ABCA13: variants seen among roughly 807,000 people sequenced by gnomAD.
ABCA13 encodes the protein ATP binding cassette subfamily A member 13.
ABCA13 carries 476 observed loss-of-function variants against 478.7 expected under a neutral mutation model. The ratio of observed to expected loss-of-function variants is 0.99; its 90% confidence interval spans 0.92 to 1.07. The LOEUF (loss-of-function observed/expected upper bound fraction) is 1.07, where lower values mean the gene tolerates loss of function less well. Ranked by LOEUF, ABCA13 falls within the 50% of genes least tolerant of loss-of-function variation. ABCA13 has a pLI of 0.00. For synonymous variants in ABCA13, 2,252 were observed against 2,158.9 expected, an observed-to-expected ratio of 1.04 and a Z score of -1.20; for missense variants, 6,060 against 5,910.6, an observed-to-expected ratio of 1.03 and a Z score of -0.83.
intron 57 of ABCA13, 135 bp downstream of exon 57, chr7:48,587,423 C>T (rs557870544): frequency 9.8e-7 from 1 of 1,017,360 alleles, no homozygotes; most frequent in East Asian, 2.9e-5. Flanking sequence ...AACTGTTTTG[C>T]CATAAGCCAG....
intron 55 of ABCA13, among the ~76,000 whole-genome samples, chr7:48,571,316 G>A (rs925062980): frequency 1.1e-4 from 17 of 152,084 alleles, no homozygotes; most frequent in Admixed American, 4.6e-4. Context: ...GTTACTGTTA[G>A]TACTTTTCAT....
chr7:48,546,913 C>A (rs565320233), intron 55 of ABCA13, among the ~76,000 whole-genome samples: 1 of 151,736 alleles, frequency 6.6e-6, no homozygotes, highest in South Asian at 2.1e-4. Flanking sequence ...TGAATCATAA[C>A]CTCACCAACT....
At chr7:48,388,243 A>C (rs1052327678) in intron 36 of ABCA13, among the ~76,000 whole-genome samples, 17 of 152,224 alleles carry the variant, frequency 1.1e-4, no homozygotes, top group African/African-American at 4.1e-4. Context: ...TGTATATTAC[A>C]ATTTAGAAAA....
At chr7:48,345,582 T>C (rs1563091402) in intron 29 of ABCA13, among the ~76,000 whole-genome samples, 1 of 152,114 alleles carries the variant, frequency 6.6e-6, no homozygotes, top group Non-Finnish European at 1.5e-5. Context: ...AATAAGGATG[T>C]AAAGAAAATA....
intron 3 of ABCA13, among the ~76,000 whole-genome samples, chr7:48,203,744 C>T (rs1471271624): frequency 6.6e-6 from 1 of 152,172 alleles, no homozygotes; most frequent in Non-Finnish European, 1.5e-5. Flanking sequence ...CTGTCTAAAC[C>T]CGACCCTCAC....
At chr7:48,417,297 C>T (rs1299063407) in intron 41 of ABCA13, among the ~76,000 whole-genome samples, 1 of 152,050 alleles carries the variant, frequency 6.6e-6, no homozygotes. Context: ...TCATATGCCT[C>T]AATCTTTTCA....
chr7:48,281,524 T>A (rs1797035092), intron 19 of ABCA13, 72 bp downstream of exon 19: 1 of 1,305,350 alleles, frequency 7.7e-7, no homozygotes, highest in African/African-American at 1.5e-5. Context: ...GTCAGAGAGA[T>A]GAGTATATTG....
intron 41 of ABCA13, among the ~76,000 whole-genome samples, chr7:48,422,803 CA>C (rs1820947499): frequency 6.6e-6 from 1 of 152,060 alleles, no homozygotes; most frequent in Non-Finnish European, 1.5e-5. Context: ...TTGATGTAAT[CA>C]AAAGGATACA....
chr7:48,412,198 G>A (rs960103426), intron 40 of ABCA13, among the ~76,000 whole-genome samples, 155 bp from the exon 41 acceptor site: 4 of 152,172 alleles, frequency 2.6e-5, no homozygotes, highest in Admixed American at 2.0e-4. Context: ...AATACGAGAT[G>A]TCATTGAGAT....
chr7:48,521,409 C>G (rs1832536534), intron 53 of ABCA13, among the ~76,000 whole-genome samples: 1 of 152,122 alleles, frequency 6.6e-6, no homozygotes, highest in African/African-American at 2.4e-5. Context: ...TCCTTTCAGC[C>G]ATTTCCTGAC....
In ABCA13 at chr7:48,367,846, A is replaced by G. The variant is rs750914104; in HGVS notation, c.10741A>G (p.Met3581Val). Residue 3581 changes from methionine (M) to valine (V), a missense_variant, in exon 32 of 62, where the codon ATG becomes GTG. Physicochemically the swap from Met to Val is conservative, Grantham distance 21. Coordinates refer to ENST00000435803, the MANE Select transcript of ABCA13 (RefSeq NM_152701.5). ...TCCACTGATAATGATGCTGACGTGG[A>G]TGGTGTCTGTGGCCAGCATGGTCAG... ...FFPLIMMLTWMVSVASMVRKL... is the reference protein window; with the variant it reads ...FFPLIMMLTWVVSVASMVRKL... 3 of 1,581,816 alleles carry G rather than the reference A, an allele frequency of 1.9e-6. No homozygotes were observed. The South Asian group carries it at 3.5e-5, about 18-fold the overall frequency.
intron 40 of ABCA13, 119 bp downstream of exon 40, chr7:48,410,796 C>A (rs1818910764): frequency 1.5e-5 from 20 of 1,377,304 alleles, no homozygotes; most frequent in Non-Finnish European, 1.8e-5. Flanking sequence ...GCACAATGGC[C>A]CACATGCCAA....
chr7:48,178,681 TAAAAA>T (rs982637462), intron 1 of ABCA13, among the ~76,000 whole-genome samples: 1 of 117,546 alleles, frequency 8.5e-6, no homozygotes, highest in Admixed American at 8.4e-5. Context: ...CTCAAAAAAA[TAAAAA>T]AAAGTAAAAT....
intron 3 of ABCA13, among the ~76,000 whole-genome samples, chr7:48,212,066 G>T (rs1475034842): frequency 6.6e-6 from 1 of 152,118 alleles, no homozygotes; most frequent in African/African-American, 2.4e-5. Context: ...ATTTATTTGG[G>T]ATCTCAAACC....
chr7:48,227,663 G>A lies in ABCA13; in HGVS notation c.632+238G>A, dbSNP rs938457089. Among the ~76,000 whole-genome samples, 8 of 152,132 alleles carry A rather than the reference G, an allele frequency of 5.3e-5. No individual in the cohort carries two copies. In the East Asian group the frequency reaches 9.6e-4, roughly 18 times the overall value. ...TGCTCCCTGATTTAAAAAAGTCAGC[G>A]CCATATTTTAATATTTTGTATGTTG... On this transcript the variant is annotated intron_variant, in intron 6 of 61. Transcript: ENST00000435803.
chr7:48,309,293 G>C (rs1801404376), intron 23 of ABCA13, among the ~76,000 whole-genome samples: 1 of 151,996 alleles, frequency 6.6e-6, no homozygotes, highest in Admixed American at 6.6e-5. Context: ...TATGGTTTTT[G>C]TTTTATTTTG....
chr7:48,205,918 A>T (rs1232543168), intron 3 of ABCA13, among the ~76,000 whole-genome samples: 1 of 152,210 alleles, frequency 6.6e-6, no homozygotes, highest in African/African-American at 2.4e-5. Context: ...AGTACATTTC[A>T]ATGAATTTGA....
intron 42 of ABCA13, among the ~76,000 whole-genome samples, chr7:48,436,900 C>G (rs1447891565): frequency 2.0e-5 from 3 of 151,210 alleles, no homozygotes; most frequent in African/African-American, 7.3e-5. Flanking sequence ...TGATTTCAAT[C>G]TTATTTAAAA....
Position 48,594,784 on chromosome 7 carries a change from A to G in ABCA13, c.14715A>G (p.Glu4905=), listed in dbSNP as rs907578172. 2.5e-6 allele frequency: 4 copies of G among 1,613,954 alleles called. No homozygotes were observed. The highest frequency in any genetic ancestry group is 3.4e-6 in the Non-Finnish European group (4 of 1,179,836). Residue 4905 remains glutamate (E), a synonymous_variant, in exon 58 of 62, where the codon GAA becomes GAG. Coordinates refer to ENST00000435803, the MANE Select transcript of ABCA13 (RefSeq NM_152701.5). ...AAACAATAATGAAGGAGGTTCGGGA[A>G]GGCTGTGCTGCGGTGCTGACCTCCC... The part of the protein sequence containing the change: ...LWQTIMKEVR[E]GCAAVLTSHS...
Sources: allele counts gnomAD v4.1 joint callset (sites outside exome capture counted in the v4.1 genomes callset), GRCh38; gene constraint gnomAD v4.1.1; transcripts MANE v1.5; gene names NCBI Gene and HGNC (gene_info 2026-07-23, HGNC 2026-07-21).